The following PRUNE1 variants were observed in gnomAD, a reference collection of about 807,000 sequenced individuals.
The protein encoded by PRUNE1 is prune exopolyphosphatase 1.
Under a neutral mutation model 42.5 loss-of-function variants are expected in PRUNE1, and 25 were observed. The ratio of observed to expected loss-of-function variants is 0.59; its 90% CI spans 0.43 to 0.82. The LOEUF is 0.82. Ranked by LOEUF, PRUNE1 falls within the 40% of genes least tolerant of loss-of-function variation. The pLI is 0.00. For synonymous variants in PRUNE1, 203 were observed against 217.1 expected (o/e 0.93, Z 0.57); for missense variants, 443 against 539.3 (o/e 0.82, Z 1.77).
chr1:151,033,670 G>T (rs1054729089), intron 7 of PRUNE1, 136 bp from the exon 8 acceptor site: 13 of 785,142 alleles, frequency 1.7e-5, no homozygotes, highest in African/African-American at 8.7e-5. Flanking sequence ...GATTGCAAGC[G>T]TGAGCCACCG....
At chr1:151,032,176 C>T (rs767997406) in intron 7 of PRUNE1, among the ~76,000 whole-genome samples, 2 of 150,374 alleles carry the variant, frequency 1.3e-5, no homozygotes, top group East Asian at 1.9e-4. Flanking sequence ...ATCTGGGAGG[C>T]GAAGGTTGCA....
At chr1:151,024,051 G>A (rs1045219784) in intron 3 of PRUNE1, among the ~76,000 whole-genome samples, 3 of 151,624 alleles carry the variant, frequency 2.0e-5, no homozygotes, top group Admixed American at 1.3e-4. Context: ...GCCGGGTTTG[G>A]TGGCACGTGC....
intron 2 of PRUNE1, chr1:151,018,229 C>T (rs1674219093): frequency 1.4e-6 from 1 of 696,336 alleles, no homozygotes; most frequent in Non-Finnish European, 2.6e-6. Flanking sequence ...AAAATTCCTT[C>T]TCTGCAGCAT....
At chr1:151,025,827 A>C (rs1571802647) in intron 5 of PRUNE1, among the ~76,000 whole-genome samples, 154 bp downstream of exon 5, 1 of 150,756 alleles carries the variant, frequency 6.6e-6, no homozygotes, top group Non-Finnish European at 1.5e-5. Flanking sequence ...TGCAACCTCG[A>C]CCTCCTGGGT....
intron 3 of PRUNE1, among the ~76,000 whole-genome samples, chr1:151,018,948 C>T (rs1419743884): frequency 6.6e-6 from 1 of 152,092 alleles, no homozygotes; most frequent in Admixed American, 6.5e-5. Flanking sequence ...GAGGCTGAGG[C>T]GGGAGAATCA....
chr1:151,019,500 G>A (rs1239055130), intron 3 of PRUNE1, among the ~76,000 whole-genome samples: 2 of 145,818 alleles, frequency 1.4e-5, no homozygotes, highest in Non-Finnish European at 3.0e-5. Flanking sequence ...AATCTGCAGT[G>A]AGCCAAGATC....
chr1:151,011,559 G>T (rs78426848), intron 1 of PRUNE1, among the ~76,000 whole-genome samples: 2,043 of 152,134 alleles, frequency 0.013, 20 homozygotes, highest in Middle Eastern at 0.027. Flanking sequence ...TGCTGAGAGG[G>T]TTTGTCTCTC....
rs771692705 is a variant in PRUNE1, at chr1:151,033,922, A to G, written c.1050A>G (p.Lys350=). The part of the protein sequence containing the change: ...LQGNTQVSRK[K]LLPLLQEALS... ...GCAACACCCAGGTCTCTCGAAAGAA[A>G]CTTCTGCCCCTGCTCCAGGAAGCCC... The change falls in exon 8 of 8, where the codon AAA becomes AAG. Residue 350 remains lysine (K), a synonymous_variant. Coordinates refer to ENST00000271620, the MANE Select transcript of PRUNE1 (RefSeq NM_021222.3). 6.2e-7 allele frequency: 1 copy of G among 1,614,048 alleles called. No homozygotes were observed. Among genetic ancestry groups the G allele is most frequent in the Non-Finnish European group, 8.5e-7 (1 of 1,179,980 alleles).
chr1:151,034,048 C>T lies in PRUNE1; in HGVS notation c.1176C>T (p.Asn392=), dbSNP rs1486602623. The T allele has an allele frequency of 6.2e-7, 1 of 1,614,096 alleles. No individual in the cohort carries two copies. Among genetic ancestry groups the T allele is most frequent in the South Asian group, 1.1e-5 (1 of 91,094 alleles). ...ACAAGGAATTGGACAGGGCAAGTAA[C>T]TCCCTGATTTCTGGCCTGAGTCAAG... ...QVDKELDRAS[N]SLISGLSQDE... is the part of the protein sequence containing the mutation. The change falls in exon 8 of 8, where the codon AAC becomes AAT. Residue 392 remains asparagine, a synonymous_variant. Coordinates refer to ENST00000271620, the MANE Select transcript of PRUNE1 (RefSeq NM_021222.3).
chr1:151,018,213 G>A lies in PRUNE1; in HGVS notation c.133-254G>A, dbSNP rs1339821134. On this transcript the variant is annotated intron_variant, in intron 2 of 7. Transcript: ENST00000271620. ...TTCCTCTGCCCAGGTTAGTTCTTGA[G>A]GACTAAAAATTCCTTCTCTGCAGCA... 5 of 679,690 alleles carry A rather than the reference G, an allele frequency of 7.4e-6. No homozygotes were observed. The African/African-American group carries it at 8.9e-5, about 12-fold the overall frequency. 42.1% of individuals were successfully genotyped at this position (679,690 alleles called of 1,614,324 possible). A position where few individuals can be genotyped will look rare whatever the true frequency, so the allele number is the denominator to read the frequency against.
intron 5 of PRUNE1, 125 bp from the exon 6 acceptor site, chr1:151,027,108 C>G (rs1193247298): frequency 3.4e-6 from 2 of 589,662 alleles, no homozygotes; most frequent in Non-Finnish European, 6.1e-6. Flanking sequence ...TCAATTATCT[C>G]CCCCATTCAT....
chr1:151,016,256 G>A (rs1674098136), intron 1 of PRUNE1, among the ~76,000 whole-genome samples: 2 of 152,106 alleles, frequency 1.3e-5, no homozygotes, highest in African/African-American at 4.8e-5. Flanking sequence ...AAGTAAGCAG[G>A]TAAGACAGAA....
intron 7 of PRUNE1, 36 bp from the exon 8 acceptor site, chr1:151,033,770 T>C: frequency 1.9e-6 from 3 of 1,567,774 alleles, no homozygotes; most frequent in South Asian, 1.1e-5. Context: ...CTACAGCAAG[T>C]TGTGTATCAT....
Position 151,030,099 on chromosome 1 carries a change from T to A in PRUNE1, c.933+1155T>A, listed in dbSNP as rs1444562112. 2.0e-5 allele frequency among the ~76,000 whole-genome samples: 3 copies of A among 151,972 alleles called. No individual in the cohort carries two copies. The East Asian group carries it at 5.8e-4, about 30-fold the overall frequency. On this transcript the variant is annotated intron_variant, in intron 7 of 7. Coordinates refer to ENST00000271620, the MANE Select transcript of PRUNE1 (RefSeq NM_021222.3). ...CAACATGGTGAAACCCCATCTCTTT[T>A]AAAAATACGGAAATTAGCTGGGCGT...
intron 1 of PRUNE1, among the ~76,000 whole-genome samples, chr1:151,012,265 T>G (rs1257798640): frequency 6.6e-6 from 1 of 152,132 alleles, no homozygotes; most frequent in African/African-American, 2.4e-5. Context: ...TTTCAGCTGG[T>G]GGAGGATGGG....
chr1:151,021,802 C>T (rs1194549038), intron 3 of PRUNE1, among the ~76,000 whole-genome samples: 1 of 150,826 alleles, frequency 6.6e-6, no homozygotes, highest in Non-Finnish European at 1.5e-5. Flanking sequence ...ACTGCAACCT[C>T]CGCCTCCCGG....
intron 1 of PRUNE1, among the ~76,000 whole-genome samples, chr1:151,011,667 G>C (rs1278669152): frequency 6.6e-6 from 1 of 152,090 alleles, no homozygotes; most frequent in Non-Finnish European, 1.5e-5. Context: ...GGTTTACTTT[G>C]CCAGGCCTAG....
chr1:151,008,597 C>T lies in PRUNE1; in HGVS notation c.-36C>T. The stretch of plus-strand genomic sequence containing the variant: ...CTCTCCTCGACCAGGGGCACCTCTA[C>T]TCGACCAGGGGCGACGGCGTACTTT... On this transcript the variant is annotated 5_prime_UTR_variant, in exon 1 of 8. Transcript: ENST00000271620. The T allele has an allele frequency of 1.2e-6, 2 of 1,613,812 alleles. No individual in the cohort carries two copies. Among genetic ancestry groups the T allele is most frequent in the Non-Finnish European group, 1.7e-6 (2 of 1,179,710 alleles).
intron 1 of PRUNE1, among the ~76,000 whole-genome samples, chr1:151,014,073 G>A (rs587620072): frequency 2.9e-4 from 44 of 151,704 alleles, no homozygotes; most frequent in African/African-American, 9.7e-4. Context: ...TCCGCCTCCC[G>A]GGTGCAAAAG....
Sources: allele counts gnomAD v4.1 joint callset (sites outside exome capture counted in the v4.1 genomes callset), GRCh38; gene constraint gnomAD v4.1.1; transcripts MANE v1.5; gene names NCBI Gene and HGNC (gene_info 2026-07-23, HGNC 2026-07-21).